Variants in SERBP1 observed in about 807,000 individuals in gnomAD.
SERBP1 encodes the protein SERPINE1 mRNA binding protein 1.
A neutral mutation model predicts 50.2 loss-of-function variants in SERBP1; 6 were observed. That is an observed-to-expected ratio of 0.12 (90% CI 0.07 to 0.24). SERBP1 has a LOEUF of 0.24. SERBP1 is among the 10% of genes least tolerant of loss of function. SERBP1 has a pLI of 1.00. For synonymous variants in SERBP1, 168 were observed against 182.8 expected (o/e 0.92, Z 0.65); for missense variants, 346 against 524.9 (o/e 0.66, Z 3.33).
rs1666750237 is a variant in SERBP1, at chr1:67,409,405, A to ACT, written c.*3801_*3802insAG. 1 of 107,404 alleles carries ACT rather than the reference A, an allele frequency of 9.3e-6. No individual in the cohort carries two copies. Among genetic ancestry groups the ACT allele is most frequent in the African/African-American group, 4.1e-5 (1 of 24,684 alleles). 6.7% of individuals were successfully genotyped at this position (107,404 alleles called of 1,614,324 possible). A position where few individuals can be genotyped will look rare whatever the true frequency, so the allele number is the denominator to read the frequency against. ...GACACGGACACACACACACACACAC[A>ACT]CACACACACACACACCCCCACACAC... is the stretch of plus-strand genomic sequence containing the variant. On this transcript the variant is annotated 3_prime_UTR_variant, in exon 8 of 8. Coordinates refer to ENST00000361219, the MANE Select transcript of SERBP1 (RefSeq NM_001018069.2).
intron 6 of SERBP1, among the ~76,000 whole-genome samples, chr1:67,419,601 A>G (rs1667140414): frequency 8.8e-6 from 1 of 113,378 alleles, no homozygotes; most frequent in Admixed American, 8.5e-5. Context: ...GAAGTCACTT[A>G]CATTTTAGGT....
chr1:67,414,387 AGAGG>A (rs956572521), intron 7 of SERBP1, among the ~76,000 whole-genome samples: 58 of 152,312 alleles, frequency 3.8e-4, no homozygotes, highest in African/African-American at 1.3e-3. Context: ...GGTTGGTCTT[AGAGG>A]GAGGAACAAA....
chr1:67,429,945 TTCCC>T (rs1297588686), intron 1 of SERBP1, 39 bp downstream of exon 1: 1 of 1,532,106 alleles, frequency 6.5e-7, no homozygotes, highest in Non-Finnish European at 8.8e-7. Context: ...CCCTCGCTCC[TTCCC>T]TCCATCCCAG....
chr1:67,426,023 G>A, intron 2 of SERBP1, 112 bp downstream of exon 2: 1 of 868,494 alleles, frequency 1.2e-6, no homozygotes, highest in Non-Finnish European at 1.8e-6. Context: ...ACTGAGATGA[G>A]AGGATCATTT....
At chr1:67,422,928 C>G (rs1667247226) in intron 5 of SERBP1, among the ~76,000 whole-genome samples, 1 of 151,544 alleles carries the variant, frequency 6.6e-6, no homozygotes, top group Non-Finnish European at 1.5e-5. Context: ...GCCACTGTTA[C>G]TTCAGCCTGG....
In SERBP1 at chr1:67,409,002, G is replaced by A. The variant is rs1666727506; in HGVS notation, c.*4205C>T. The A allele has an allele frequency of 6.6e-6, 1 of 152,118 alleles. No individual in the cohort carries two copies. Among genetic ancestry groups the A allele is most frequent in the African/African-American group, 2.4e-5 (1 of 41,404 alleles). 9.4% of individuals were successfully genotyped at this position (152,118 alleles called of 1,614,324 possible). On this transcript the variant is annotated 3_prime_UTR_variant, in exon 8 of 8. Coordinates refer to ENST00000361219, the MANE Select transcript of SERBP1 (RefSeq NM_001018069.2). ...AGTGTGTCACCCAGACTGGAGTACA[G>A]TGCTATGATCTTGGCTCACTGCAAC...
chr1:67,424,775 G>GT (rs1667314985), intron 4 of SERBP1, 113 bp downstream of exon 4: 11 of 796,878 alleles, frequency 1.4e-5, no homozygotes, highest in Non-Finnish European at 2.3e-5. Context: ...TTGTAATATA[G>GT]TAACTCTCAG....
At position 67,409,581 on chromosome 1, in the gene SERBP1, T is replaced by G. The variant is rs1216507249; in HGVS notation, c.*3626A>C. 6.6e-6 allele frequency: 1 copy of G among 152,154 alleles called. No individual in the cohort carries two copies. The highest frequency in any genetic ancestry group is 6.6e-5 in the Admixed American group (1 of 15,260). The allele number at this position is 152,154 out of a possible 1,614,324, so 9.4% of individuals were successfully genotyped here. A position where few individuals can be genotyped will look rare whatever the true frequency, so the allele number is the denominator to read the frequency against. Reference sequence around the variant, plus strand: ...TTCTAACCATTTCCTAAACTTAAGCTTCTCATGTTTAGATTACAACCTTGT... The same window carrying G: ...TTCTAACCATTTCCTAAACTTAAGCGTCTCATGTTTAGATTACAACCTTGT... On this transcript the variant is annotated 3_prime_UTR_variant, in exon 8 of 8. Transcript: ENST00000361219.
chr1:67,416,340 T>C (rs892764993), intron 6 of SERBP1, among the ~76,000 whole-genome samples: 2 of 152,216 alleles, frequency 1.3e-5, no homozygotes, highest in Non-Finnish European at 2.9e-5. Context: ...GAAGTCATGT[T>C]TGTGAAATCC....
chr1:67,411,199 G>T lies in SERBP1; in HGVS notation c.*2008C>A, dbSNP rs1248826720. The T allele has an allele frequency of 6.6e-6, 1 of 152,094 alleles. No individual in the cohort carries two copies. The highest frequency in any genetic ancestry group is 2.1e-4 in the South Asian group (1 of 4,814). The allele number at this position is 152,094 out of a possible 1,614,324, so 9.4% of individuals were successfully genotyped here. A position where few individuals can be genotyped will look rare whatever the true frequency, so the allele number is the denominator to read the frequency against. On this transcript the variant is annotated 3_prime_UTR_variant, in exon 8 of 8. Transcript: ENST00000361219. ...CTAATGCACCAACTTTTTAAGTTCA[G>T]GCTATCTTGAAAGCTTGCAACATAC...
rs555873706 is a variant in SERBP1, at chr1:67,423,304, CAA to C, written c.773+894_773+895del. On this transcript the variant is annotated intron_variant, in intron 5 of 7. Coordinates refer to ENST00000361219, the MANE Select transcript of SERBP1 (RefSeq NM_001018069.2). The stretch of plus-strand genomic sequence containing the variant: ...AAGAGTGAACTCCATCTCACACACA[CAA>C]AAAAAAAAGTTAGTGAAGGGCTGGG... Among the ~76,000 whole-genome samples, 10 of 132,188 alleles carry C rather than the reference CAA, an allele frequency of 7.6e-5. No individual in the cohort carries two copies. In the Admixed American group the frequency reaches 7.7e-4, roughly 10 times the overall value. 86.7% of individuals were successfully genotyped at this position (132,188 alleles called of 152,430 possible).
rs553824795 is a variant in SERBP1, at chr1:67,420,348, G to C, written c.774-162C>G. 34 of 576,328 alleles carry C rather than the reference G, an allele frequency of 5.9e-5. No individual in the cohort carries two copies. In the South Asian group the frequency reaches 8.2e-4, roughly 14 times the overall value. The allele number at this position is 576,328 out of a possible 1,614,324, so 35.7% of individuals were successfully genotyped here. ...AGTTTCCTATGTAACTAAGCAACTTGGTAGAGACCAGGAATTCAGTGTTTG... is the reference window on the plus strand; with the variant it reads ...AGTTTCCTATGTAACTAAGCAACTTCGTAGAGACCAGGAATTCAGTGTTTG... On this transcript the variant is annotated intron_variant, in intron 5 of 7. Coordinates refer to ENST00000361219, the MANE Select transcript of SERBP1 (RefSeq NM_001018069.2).
At chr1:67,413,323 C>T (rs1666898985) in intron 7 of SERBP1, 60 bp from the exon 8 acceptor site, 2 of 1,401,226 alleles carry the variant, frequency 1.4e-6, no homozygotes, top group African/African-American at 1.5e-5. Context: ...ACATTGTTAG[C>T]TAGTGTCTAC....
At chr1:67,427,835 A>C (rs1156250546) in intron 1 of SERBP1, among the ~76,000 whole-genome samples, 1 of 152,242 alleles carries the variant, frequency 6.6e-6, no homozygotes. Context: ...TTGCAAGCTC[A>C]CTAACTGCAC....
At chr1:67,425,033 T>C in intron 3 of SERBP1, 50 bp downstream of exon 3, 6 of 1,597,122 alleles carry the variant, frequency 3.8e-6, no homozygotes, top group Non-Finnish European at 5.1e-6. Context: ...AAAGTTTGTT[T>C]ATTAAATAGA....
intron 5 of SERBP1, among the ~76,000 whole-genome samples, chr1:67,422,561 C>T (rs1320986624): frequency 6.6e-6 from 1 of 151,406 alleles, no homozygotes; most frequent in African/African-American, 2.4e-5. Flanking sequence ...GCCCCTCCCA[C>T]CCCCCAACTA....
chr1:67,416,619 TAG>T (rs1246799690), intron 6 of SERBP1, among the ~76,000 whole-genome samples: 1 of 152,198 alleles, frequency 6.6e-6, no homozygotes. Flanking sequence ...ACAATTCCAT[TAG>T]ACTCAACTTA....
intron 6 of SERBP1, 60 bp downstream of exon 6, chr1:67,419,949 T>C (rs1667150721): frequency 1.4e-6 from 2 of 1,479,152 alleles, no homozygotes; most frequent in African/African-American, 1.4e-5. Flanking sequence ...AAAACAAAAA[T>C]TATAAATACA....
chr1:67,429,736 C>T (rs1244961022), intron 1 of SERBP1: 4 of 413,156 alleles, frequency 9.7e-6, no homozygotes, highest in Non-Finnish European at 1.7e-5. Context: ...CATCTCCGAC[C>T]ACGCTCCTCT....
Sources: allele counts gnomAD v4.1 joint callset (sites outside exome capture counted in the v4.1 genomes callset), GRCh38; gene constraint gnomAD v4.1.1; transcripts MANE v1.5; gene names NCBI Gene and HGNC (gene_info 2026-07-23, HGNC 2026-07-21).